HPS1: variants seen among roughly 807,000 people sequenced by gnomAD.
The protein encoded by HPS1 is HPS1 biogenesis of lysosomal organelles complex 3 subunit 1, also known as BLOC-3 complex member HPS1.
In HPS1, 59 loss-of-function variants were observed where a neutral mutation model predicts 90.6. The ratio of observed to expected loss-of-function variants is 0.65; its 90% CI spans 0.53 to 0.81. The LOEUF is 0.81. Ranked by LOEUF, HPS1 falls within the 30% of genes least tolerant of loss-of-function variation. The pLI is 0.00. For synonymous variants in HPS1, 388 were observed against 384.4 expected (o/e 1.01, Z -0.11); for missense variants, 849 against 896.7 (o/e 0.95, Z 0.68).
At chr10:98,431,613 ATGTCCC>A (rs1244713154) in intron 6 of HPS1, among the ~76,000 whole-genome samples, 4 of 152,216 alleles carry the variant, frequency 2.6e-5, no homozygotes, top group Non-Finnish European at 5.9e-5. Context: ...GTCCAAAGAA[ATGTCCC>A]TGAATTAGGT....
At chr10:98,437,904 G>C (rs1937654181) in intron 3 of HPS1, among the ~76,000 whole-genome samples, 1 of 152,094 alleles carries the variant, frequency 6.6e-6, no homozygotes, top group Non-Finnish European at 1.5e-5. Flanking sequence ...CTGAATCATG[G>C]GGGTGGTTCC....
chr10:98,423,904 A>G lies in HPS1; in HGVS notation c.1398-17T>C, dbSNP rs1356034821. 1 of 1,612,668 alleles carries G rather than the reference A, an allele frequency of 6.2e-7. No homozygotes were observed. Among genetic ancestry groups the G allele is most frequent in the Non-Finnish European group, 8.5e-7 (1 of 1,179,980 alleles). ...TGGAGCAGCCTGAGCACGAGAGAGG[A>G]GGGCATTACAGCAGAAGGGACCTAG... On this transcript the variant is annotated splice_polypyrimidine_tract_variant and intron_variant, in intron 14 of 19. Transcript: ENST00000361490.
Position 98,420,038 on chromosome 10 carries a change from C to T in HPS1, c.1857+7G>A, listed in dbSNP as rs1218071545. 3 of 1,585,114 alleles carry T rather than the reference C, an allele frequency of 1.9e-6. No homozygotes were observed. Among genetic ancestry groups the T allele is most frequent in the Non-Finnish European group, 2.6e-6 (3 of 1,153,708 alleles). On this transcript the variant is annotated splice_region_variant and intron_variant, in intron 18 of 19. Transcript: ENST00000361490. Reference sequence around the variant, plus strand: ...CCGTCCTGGCCCAGGGACTCAGCCTCACCTACCATGTCATTCTCGAACCAC... The same window carrying T: ...CCGTCCTGGCCCAGGGACTCAGCCTTACCTACCATGTCATTCTCGAACCAC...
chr10:98,428,555 C>T (rs560052478), intron 10 of HPS1, among the ~76,000 whole-genome samples: 83 of 152,196 alleles, frequency 5.5e-4, no homozygotes, highest in Non-Finnish European at 1.0e-3. Context: ...GCTGAAGCTG[C>T]CTGGTGATTC....
intron 18 of HPS1, among the ~76,000 whole-genome samples, chr10:98,419,007 G>C (rs1432649549): frequency 6.6e-6 from 1 of 152,222 alleles, no homozygotes; most frequent in Non-Finnish European, 1.5e-5. Context: ...TTGGGCTCCG[G>C]CTTCCTCACT....
chr10:98,428,937 G>T (rs968546279), intron 10 of HPS1, among the ~76,000 whole-genome samples: 3 of 151,896 alleles, frequency 2.0e-5, no homozygotes, highest in Admixed American at 6.6e-5. Flanking sequence ...CACCTCCCGG[G>T]TTCAAGCGAT....
chr10:98,438,989 G>A (rs1277231685), intron 3 of HPS1, among the ~76,000 whole-genome samples: 1 of 152,224 alleles, frequency 6.6e-6, no homozygotes, highest in Non-Finnish European at 1.5e-5. Flanking sequence ...TCTGGCTGTT[G>A]TTTCAGACAG....
At chr10:98,433,399 C>T (rs1454252373) in intron 6 of HPS1, among the ~76,000 whole-genome samples, 1 of 152,118 alleles carries the variant, frequency 6.6e-6, no homozygotes, top group African/African-American at 2.4e-5. Flanking sequence ...ATTTGGTTTA[C>T]CTCTTTAGGA....
chr10:98,426,745 A>AGTGTGTGTGTGT lies in HPS1; in HGVS notation c.987+458_987+469dup, dbSNP rs58431822. 2.1e-3 allele frequency among the ~76,000 whole-genome samples: 314 copies of AGTGTGTGTGTGT among 147,914 alleles called. 1 individual carries two copies. Among genetic ancestry groups the AGTGTGTGTGTGT allele is most frequent in the African/African-American group, 7.4e-3 (298 of 40,246 alleles). On this transcript the variant is annotated intron_variant, in intron 11 of 19. Coordinates refer to ENST00000361490, the MANE Select transcript of HPS1 (RefSeq NM_000195.5). ...TAAAAATACACATGTGTACATATGTAGTGTGTGTGTGTGTGTGTGTGTGTG... is the reference window on the plus strand; with the variant it reads ...TAAAAATACACATGTGTACATATGTAGTGTGTGTGTGTGTGTGTGTGTGTGTGTGTGTGTGTG...
chr10:98,434,186 G>C (rs1846954523), intron 5 of HPS1, 95 bp from the exon 6 acceptor site: 1 of 1,313,074 alleles, frequency 7.6e-7, no homozygotes, highest in Non-Finnish European at 1.0e-6. Context: ...CAGCATCAGA[G>C]CTTGGTGAGC....
intron 8 of HPS1, among the ~76,000 whole-genome samples, chr10:98,430,196 CTGTGGGAACCACCCCTTT>C (rs1846232728): frequency 1.3e-5 from 2 of 152,202 alleles, no homozygotes; most frequent in Admixed American, 1.3e-4. Flanking sequence ...GTGCCAGGTT[CTGTGGGAACCACCCCTTT>C]TGTCCCTCCA....
chr10:98,441,177 A>G (rs1433020852), intron 3 of HPS1, among the ~76,000 whole-genome samples: 1 of 152,240 alleles, frequency 6.6e-6, no homozygotes, highest in Non-Finnish European at 1.5e-5. Flanking sequence ...CTTCCACTGC[A>G]TCCCCAGTAA....
Position 98,420,171 on chromosome 10 carries a change from CA to C in HPS1, c.1744-14del. ...TCAGAGACCAGACCTGGGGAAAAGA[CA>C]GCAAGCATCACCACTCTCCCAGCCT... On this transcript the variant is annotated splice_polypyrimidine_tract_variant and intron_variant, in intron 17 of 19. Coordinates refer to ENST00000361490, the MANE Select transcript of HPS1 (RefSeq NM_000195.5). 6.4e-7 allele frequency: 1 copy of C among 1,574,390 alleles called. No individual in the cohort carries two copies. The highest frequency in any genetic ancestry group is 1.1e-5 in the South Asian group (1 of 90,298).
At position 98,431,232 on chromosome 10, in the gene HPS1, C is replaced by G; in HGVS notation, c.567G>C (p.Arg189=). Residue 189 remains arginine (R), a synonymous_variant, in exon 7 of 20, where the codon CGG becomes CGC. Transcript: ENST00000361490. ...LCELCIEALE[R]HVIQAVNTSP... ...TGGTGTTGACAGCCTGGATGACGTGCCGCTCCAGCGCCTCTATGCACAGCT... is the reference window on the plus strand; with the variant it reads ...TGGTGTTGACAGCCTGGATGACGTGGCGCTCCAGCGCCTCTATGCACAGCT... The G allele has an allele frequency of 6.2e-7, 1 of 1,614,006 alleles. No homozygotes were observed. The highest frequency in any genetic ancestry group is 1.1e-5 in the South Asian group (1 of 91,082).
At chr10:98,442,816 C>G (rs1274982917) in intron 3 of HPS1, 6 of 398,636 alleles carry the variant, frequency 1.5e-5, no homozygotes, top group Non-Finnish European at 2.9e-5. Flanking sequence ...CCTTGTTAAA[C>G]TTTTTAGGTT....
At chr10:98,414,706 A>C (rs1207858486), downstream of HPS1, 8 of 289,778 alleles carry the variant, frequency 2.8e-5, no homozygotes, top group African/African-American at 1.5e-4. Flanking sequence ...ACTTTGCAAG[A>C]GATATAGGGA....
rs1272611918 is a variant in HPS1, at chr10:98,431,244, C to T, written c.555G>A (p.Glu185=). The T allele has an allele frequency of 1.9e-6, 3 of 1,614,020 alleles. No homozygotes were observed. The highest frequency in any genetic ancestry group is 2.2e-5 in the South Asian group (2 of 91,090). Residue 185 remains glutamate, a synonymous_variant, in exon 7 of 20, where the codon GAG becomes GAA. Coordinates refer to ENST00000361490, the MANE Select transcript of HPS1 (RefSeq NM_000195.5). ...CCTGGATGACGTGCCGCTCCAGCGC[C>T]TCTATGCACAGCTCACAGAGCTGGG... ...IHPQLCELCI[E]ALERHVIQAV...
At chr10:98,438,064 G>T (rs761941785) in intron 3 of HPS1, among the ~76,000 whole-genome samples, 23 of 152,154 alleles carry the variant, frequency 1.5e-4, no homozygotes, top group Non-Finnish European at 3.1e-4. Context: ...CTTCCACCAC[G>T]ACTGTAAGTT....
intron 2 of HPS1, among the ~76,000 whole-genome samples, chr10:98,444,512 G>T (rs1357573414): frequency 6.6e-6 from 1 of 152,184 alleles, no homozygotes; most frequent in East Asian, 1.9e-4. Flanking sequence ...GCCTCAGGGT[G>T]TCACGCAGAT....
Sources: allele counts gnomAD v4.1 joint callset (sites outside exome capture counted in the v4.1 genomes callset), GRCh38; gene constraint gnomAD v4.1.1; transcripts MANE v1.5; gene names NCBI Gene and HGNC (gene_info 2026-07-23, HGNC 2026-07-21).